TP53INP2: variants seen among roughly 807,000 people sequenced by gnomAD.
TP53INP2 encodes the protein tumor protein p53 inducible nuclear protein 2.
In TP53INP2, 12 loss-of-function variants were observed where a neutral mutation model predicts 17.1. The observed-to-expected ratio is 0.70, with a 90% confidence interval of 0.45 to 1.14. The LOEUF (loss-of-function observed/expected upper bound fraction) is 1.14, where lower values mean the gene tolerates loss of function less well. Among genes scored for constraint, TP53INP2 ranks in the 50% most tolerant of loss-of-function variants. The pLI is 0.00. For missense variants in TP53INP2, 342 were observed against 330.9 expected, an observed-to-expected ratio of 1.03 and a Z score of -0.26; for synonymous variants, 145 against 147.3, an observed-to-expected ratio of 0.98 and a Z score of 0.12.
At position 34,709,829 on chromosome 20, in the gene TP53INP2, G is replaced by A. The variant is rs1223042502; in HGVS notation, c.414-229G>A. On this transcript the variant is annotated intron_variant, in intron 4 of 4. Transcript: ENST00000374810. The surrounding 1 kb of genome is among the most constrained non-coding windows in gnomAD (Gnocchi z 5.4). ...TAGGGAGTGGGACTTAAACAGAAAG[G>A]CAAGGGTGGAATAGGGGGTGGGGGT... Among the ~76,000 whole-genome samples the A allele has an allele frequency of 6.6e-6, 1 of 152,122 alleles. No homozygotes were observed. Among genetic ancestry groups the A allele is most frequent in the African/African-American group, 2.4e-5 (1 of 41,416 alleles).
rs761739203 is a variant in TP53INP2, at chr20:34,710,350, C to G, written c.*43C>G. On this transcript the variant is annotated 3_prime_UTR_variant, in exon 5 of 5. Transcript: ENST00000374810. This position sits in a 1 kb window ranked among gnomAD's most constrained non-coding sequence, Gnocchi z 4.9. ...CACGAACCCCTTGCCGATCCCGATC[C>G]CTGTCGGGCTCCTCCGACTCCTCGG... The G allele has an allele frequency of 1.5e-6, 2 of 1,295,472 alleles. No individual in the cohort carries two copies. The highest frequency in any genetic ancestry group is 2.8e-5 in the South Asian group (1 of 36,360). 80.2% of individuals were successfully genotyped at this position (1,295,472 alleles called of 1,614,324 possible). A position where few individuals can be genotyped will look rare whatever the true frequency, so the allele number is the denominator to read the frequency against.
At position 34,710,110 on chromosome 20, in the gene TP53INP2, C is replaced by G. The variant is rs1283359396; in HGVS notation, c.466C>G (p.Leu156Val). 16 of 1,266,086 alleles carry G rather than the reference C, an allele frequency of 1.3e-5. No homozygotes were observed. The highest frequency in any genetic ancestry group is 5.1e-4 in the Middle Eastern group (2 of 3,954). The allele number at this position is 1,266,086 out of a possible 1,614,324, so 78.4% of individuals were successfully genotyped here. ...GCGGGCCGCGCGCCACGCCGCTCCT[C>G]TCCCAGCGCGGGCGGCGCTGCTGGA... ...EPRAARHAAP[L>V]PARAALLEKA... The change falls in exon 5 of 5, where the codon CTC (leucine) becomes GTC (valine). Residue 156 changes from leucine to valine, a missense_variant. Leu to Val is a conservative substitution (Grantham distance 32). Coordinates refer to ENST00000374810, the MANE Select transcript of TP53INP2 (RefSeq NM_021202.3). This position sits in a 1 kb window ranked among gnomAD's most constrained non-coding sequence, Gnocchi z 4.9.
rs3746454 is a variant in TP53INP2 at position 34,712,001 on chromosome 20, G to C, written c.*1694G>C. The C allele has an allele frequency of 0.019, 2,958 of 152,746 alleles. 256 individuals are homozygous for C. The highest frequency in any genetic ancestry group is 0.15 in the Admixed American group (2,231 of 15,288). The allele number at this position is 152,746 out of a possible 1,614,324, so 9.5% of individuals were successfully genotyped here. ...GACCCTATAGCCCCAGGCCTCATGG[G>C]GGGTATGTGGGGAAGGGATGGGGTA... On this transcript the variant is annotated 3_prime_UTR_variant, in exon 5 of 5. Transcript: ENST00000374810.
At chr20:34,708,984 T>A in intron 3 of TP53INP2, 121 bp downstream of exon 3, 1 of 1,460,238 alleles carries the variant, frequency 6.8e-7, no homozygotes, top group Non-Finnish European at 9.1e-7. Context: ...GGAGGTGGGG[T>A]CACGGGGCCC....
At chr20:34,707,316 T>A (rs184612685) in intron 2 of TP53INP2, among the ~76,000 whole-genome samples, 1 of 152,288 alleles carries the variant, frequency 6.6e-6, no homozygotes, top group African/African-American at 2.4e-5. Flanking sequence ...ACACTTCATA[T>A]GACAGACACA....
At chr20:34,708,948 G>A in intron 3 of TP53INP2, 85 bp downstream of exon 3, 1 of 1,542,682 alleles carries the variant, frequency 6.5e-7, no homozygotes, top group Admixed American at 1.9e-5. Context: ...CGCTGCTGGG[G>A]GACGGGGGAG....
Position 34,709,117 on chromosome 20 carries a change from G to T in TP53INP2, c.125-119G>T, listed in dbSNP as rs182016146. ...CCCCGGGGCGCTGCGGACGGGCTGC[G>T]GGTCTGACTAACGATGCCCTTTCTC... is the stretch of plus-strand genomic sequence containing the variant. On this transcript the variant is annotated intron_variant, in intron 3 of 4. Transcript: ENST00000374810. The surrounding 1 kb of genome is among the most constrained non-coding windows in gnomAD (Gnocchi z 5.4). 0.011 allele frequency: 15,903 copies of T among 1,443,860 alleles called. 104 individuals carry two copies. The highest frequency in any genetic ancestry group is 0.013 in the Non-Finnish European group (14,318 of 1,102,792). 89.4% of individuals were successfully genotyped at this position (1,443,860 alleles called of 1,614,324 possible). A position where few individuals can be genotyped will look rare whatever the true frequency, so the allele number is the denominator to read the frequency against.
rs770499577 is a variant in TP53INP2, at chr20:34,710,323, G to A, written c.*16G>A. 26 of 1,350,466 alleles carry A rather than the reference G, an allele frequency of 1.9e-5. No homozygotes were observed. The highest frequency in any genetic ancestry group is 2.9e-5 in the Admixed American group (1 of 33,992). The allele number at this position is 1,350,466 out of a possible 1,614,324, so 83.7% of individuals were successfully genotyped here. A position where few individuals can be genotyped will look rare whatever the true frequency, so the allele number is the denominator to read the frequency against. On this transcript the variant is annotated 3_prime_UTR_variant, in exon 5 of 5. Transcript: ENST00000374810. The surrounding 1 kb of genome is among the most constrained non-coding windows in gnomAD (Gnocchi z 4.9). ...CAACTACTGAGCGTCCACCGGCCGC[G>A]CCACGAACCCCTTGCCGATCCCGAT...
At chr20:34,706,164 G>C (rs1040009122) in intron 2 of TP53INP2, among the ~76,000 whole-genome samples, 7 of 152,266 alleles carry the variant, frequency 4.6e-5, no homozygotes, top group African/African-American at 1.4e-4. Flanking sequence ...GGTGTGGCTA[G>C]GTCAAGGTCT....
rs918572559 is a variant in TP53INP2 at position 34,709,881 on chromosome 20, C to T, written c.414-177C>T. Among the ~76,000 whole-genome samples the T allele has an allele frequency of 1.3e-5, 2 of 152,166 alleles. No homozygotes were observed. The highest frequency in any genetic ancestry group is 6.5e-5 in the Admixed American group (1 of 15,288). ...CAGTCTCCCCCGAGGTCCAGTTTAC[C>T]TGTTAAGGGCTAGAACCGAGGAGGC... On this transcript the variant is annotated intron_variant, in intron 4 of 4. Transcript: ENST00000374810. The surrounding 1 kb of genome is among the most constrained non-coding windows in gnomAD (Gnocchi z 5.4).
In TP53INP2 at chr20:34,709,492, C is replaced by T. The variant is rs1363872527; in HGVS notation, c.381C>T (p.Asp127=). The part of the protein sequence containing the change: ...LEPGSPSPLP[D]AALPDGDLSE... Reference sequence around the variant, plus strand: ...CCGGGTCCCCTTCCCCGCTCCCGGACGCGGCCCTGCCTGACGGCGACCTCA... The same window carrying T: ...CCGGGTCCCCTTCCCCGCTCCCGGATGCGGCCCTGCCTGACGGCGACCTCA... The change falls in exon 4 of 5, where the codon GAC becomes GAT. Residue 127 remains aspartate (D), a synonymous_variant. Coordinates refer to ENST00000374810, the MANE Select transcript of TP53INP2 (RefSeq NM_021202.3). This position sits in a 1 kb window ranked among gnomAD's most constrained non-coding sequence, Gnocchi z 5.4. The T allele has an allele frequency of 1.2e-6, 2 of 1,611,144 alleles. No homozygotes were observed. The highest frequency in any genetic ancestry group is 2.7e-5 in the African/African-American group (2 of 74,932).
chr20:34,708,892 G>A (rs759369780), intron 3 of TP53INP2, 29 bp downstream of exon 3: 18 of 1,606,554 alleles, frequency 1.1e-5, no homozygotes, highest in Middle Eastern at 1.7e-4. Context: ...TCCTGGGCCT[G>A]TGAAGTCATT....
At chr20:34,708,461 A>G (rs950530501) in intron 2 of TP53INP2, among the ~76,000 whole-genome samples, 2 of 152,148 alleles carry the variant, frequency 1.3e-5, no homozygotes, top group Non-Finnish European at 2.9e-5. Context: ...TTGACAGATG[A>G]GAAAACTAAG....
intron 2 of TP53INP2, among the ~76,000 whole-genome samples, chr20:34,707,644 T>G (rs970592855): frequency 5.9e-5 from 9 of 152,222 alleles, no homozygotes; most frequent in African/African-American, 2.2e-4. Flanking sequence ...CTACTAGCTC[T>G]GAGACTTTGG....
At chr20:34,708,649 A>G (rs1707527692) in intron 2 of TP53INP2, 42 bp from the exon 3 acceptor site, 1 of 1,254,914 alleles carries the variant, frequency 8.0e-7, no homozygotes. Context: ...GAGTGGGGTG[A>G]ACCTCAATCA....
At chr20:34,707,197 C>T (rs1988022673) in intron 2 of TP53INP2, among the ~76,000 whole-genome samples, 1 of 152,184 alleles carries the variant, frequency 6.6e-6, no homozygotes, top group African/African-American at 2.4e-5. Flanking sequence ...CCTGCTGTCT[C>T]ACTGAGCCCA....
At chr20:34,707,820 C>T (rs924759627) in intron 2 of TP53INP2, among the ~76,000 whole-genome samples, 1 of 152,146 alleles carries the variant, frequency 6.6e-6, no homozygotes, top group African/African-American at 2.4e-5. Context: ...TATTTTGAGA[C>T]CAAGTTTCGC....
intron 3 of TP53INP2, 51 bp downstream of exon 3, chr20:34,708,914 T>C (rs373928523): frequency 9.4e-6 from 15 of 1,594,248 alleles, no homozygotes; most frequent in Middle Eastern, 3.4e-4. Context: ...TAAGGGCAGA[T>C]GGCCTAGCAG....
At chr20:34,707,808 ATTATT>A (rs1331391497) in intron 2 of TP53INP2, among the ~76,000 whole-genome samples, 1 of 152,160 alleles carries the variant, frequency 6.6e-6, no homozygotes, top group African/African-American at 2.4e-5. Flanking sequence ...TATCATTATT[ATTATT>A]TTGAGACCAA....
Sources: gnomAD v4.1 joint callset for allele counts (sites outside exome capture counted in the v4.1 genomes callset) on GRCh38, gnomAD v4.1.1 for gene constraint, Gnocchi (gnomAD v3.1) non-coding constraint, MANE v1.5 for transcripts, NCBI Gene and HGNC (gene_info 2026-07-23, HGNC 2026-07-21) for gene names.